KIAA0319L: variants seen among roughly 807,000 people sequenced by gnomAD.
KIAA0319L encodes dyslexia-associated protein KIAA0319-like protein.
KIAA0319L carries 55 observed loss-of-function variants against 120.1 expected under a neutral mutation model. That is an observed-to-expected ratio of 0.46 (90% CI 0.37 to 0.57). The LOEUF is 0.57. KIAA0319L is among the 20% of genes least tolerant of loss of function. The pLI is 0.00. For missense variants in KIAA0319L, 1,049 were observed against 1,255.3 expected (o/e 0.84, Z 2.48); for synonymous variants, 398 against 471.9 (o/e 0.84, Z 2.03).
At chr1:35,515,978 A>G (rs1477786156) in intron 2 of KIAA0319L, among the ~76,000 whole-genome samples, 6 of 152,146 alleles carry the variant, frequency 3.9e-5, no homozygotes, top group African/African-American at 1.4e-4. Context: ...CTGGACACAT[A>G]CACCCTCCCA....
In KIAA0319L at chr1:35,460,111, T is replaced by G. The variant is rs145145505; in HGVS notation, c.1427+194A>C. 3.8e-4 allele frequency among the ~76,000 whole-genome samples: 58 copies of G among 152,264 alleles called. No homozygotes were observed. The East Asian group carries it at 5.8e-3, about 15-fold the overall frequency. On this transcript the variant is annotated intron_variant, in intron 9 of 20. Coordinates refer to ENST00000325722, the MANE Select transcript of KIAA0319L (RefSeq NM_024874.5). Reference sequence around the variant, plus strand: ...GATCCTGATCTACTATACAAGAACCTTTGCCCTAAAAAGTTACCATTGTTG... The same window carrying G: ...GATCCTGATCTACTATACAAGAACCGTTGCCCTAAAAAGTTACCATTGTTG...
intron 3 of KIAA0319L, among the ~76,000 whole-genome samples, chr1:35,505,974 C>T (rs190166744): frequency 6.6e-6 from 1 of 152,332 alleles, no homozygotes; most frequent in African/African-American, 2.4e-5. Context: ...TCAAGGAAGA[C>T]TGAGCAGAGA....
intron 20 of KIAA0319L, 118 bp from the exon 21 acceptor site, chr1:35,435,199 G>GGT: frequency 1.1e-6 from 1 of 901,980 alleles, no homozygotes; most frequent in Non-Finnish European, 1.7e-6. Flanking sequence ...CTCCTCTCCA[G>GGT]GCTGGGAGGT....
intron 7 of KIAA0319L, 112 bp from the exon 8 acceptor site, chr1:35,462,825 C>A: frequency 1.3e-6 from 1 of 787,706 alleles, no homozygotes. Context: ...GGTCCCTAGC[C>A]TTTTTGGCAC....
intron 3 of KIAA0319L, among the ~76,000 whole-genome samples, chr1:35,499,370 C>A (rs138257347): frequency 6.6e-6 from 1 of 151,944 alleles, no homozygotes; most frequent in Non-Finnish European, 1.5e-5. Flanking sequence ...TCTTAGAAAA[C>A]GGACCAGAGA....
At chr1:35,502,425 T>C (rs1441068193) in intron 3 of KIAA0319L, among the ~76,000 whole-genome samples, 2 of 144,040 alleles carry the variant, frequency 1.4e-5, no homozygotes, top group African/African-American at 5.4e-5. Flanking sequence ...GCTGCTGTCA[T>C]CATCATCATC....
intron 3 of KIAA0319L, among the ~76,000 whole-genome samples, chr1:35,485,702 C>T (rs1644361243): frequency 6.6e-6 from 1 of 152,238 alleles, no homozygotes; most frequent in Non-Finnish European, 1.5e-5. Context: ...CATTCATTCT[C>T]AACCAAGTTT....
At position 35,539,426 on chromosome 1, in the gene KIAA0319L, G is replaced by A. The variant is rs181213046; in HGVS notation, c.142+14924C>T. Among the ~76,000 whole-genome samples the A allele has an allele frequency of 2.5e-3, 379 of 152,302 alleles. 2 individuals carry two copies. The highest frequency in any genetic ancestry group is 8.1e-3 in the African/African-American group (337 of 41,558). Reference sequence around the variant, plus strand: ...CACAGAAGGCGTAATAGGAAAACTCGCTGTTATTTGAAAAGTCCATTGTGA... The same window carrying A: ...CACAGAAGGCGTAATAGGAAAACTCACTGTTATTTGAAAAGTCCATTGTGA... On this transcript the variant is annotated intron_variant, in intron 2 of 20. Coordinates refer to ENST00000325722, the MANE Select transcript of KIAA0319L (RefSeq NM_024874.5).
intron 20 of KIAA0319L, among the ~76,000 whole-genome samples, chr1:35,436,125 T>C (rs1640771154): frequency 6.6e-6 from 1 of 152,092 alleles, no homozygotes; most frequent in African/African-American, 2.4e-5. Flanking sequence ...GGGAGAAGGA[T>C]CCAGATCTCC....
In KIAA0319L at chr1:35,549,637, A is replaced by G. The variant is rs933984478; in HGVS notation, c.142+4713T>C. On this transcript the variant is annotated intron_variant, in intron 2 of 20. Transcript: ENST00000325722. ...TTTCTAGGGCCAATTAGGTCCTTGC[A>G]TCCCCCACAAACATGCACACATAAC... Among the ~76,000 whole-genome samples, 5 of 152,184 alleles carry G rather than the reference A, an allele frequency of 3.3e-5. No homozygotes were observed. The South Asian group carries it at 1.0e-3, about 32-fold the overall frequency.
At position 35,442,894 on chromosome 1, in the gene KIAA0319L, T is replaced by C. The variant is rs369842981; in HGVS notation, c.2779+12A>G. The C allele has an allele frequency of 5.1e-5, 82 of 1,614,050 alleles. No individual in the cohort carries two copies. The highest frequency in any genetic ancestry group is 6.6e-5 in the Non-Finnish European group (78 of 1,180,016). On this transcript the variant is annotated intron_variant, in intron 18 of 20. Transcript: ENST00000325722. The stretch of plus-strand genomic sequence containing the variant: ...CCAAACAGGCTGGCACTGTGCCACA[T>C]AGAAAACTCACCACAGTTGCTGTCT...
At chr1:35,525,930 T>C (rs1646108380) in intron 2 of KIAA0319L, among the ~76,000 whole-genome samples, 1 of 151,960 alleles carries the variant, frequency 6.6e-6, no homozygotes, top group Non-Finnish European at 1.5e-5. Context: ...GCTAGAGTGT[T>C]TCCCCTATGT....
chr1:35,468,253 G>C (rs970013445), intron 6 of KIAA0319L, among the ~76,000 whole-genome samples: 1 of 150,890 alleles, frequency 6.6e-6, no homozygotes, highest in African/African-American at 2.4e-5. Flanking sequence ...TCTTCTTCTT[G>C]GCTTTTACTT....
At position 35,547,745 on chromosome 1, in the gene KIAA0319L, G is replaced by A. The variant is rs1170854820; in HGVS notation, c.142+6605C>T. Among the ~76,000 whole-genome samples, 2 of 152,154 alleles carry A rather than the reference G, an allele frequency of 1.3e-5. 1 individual carries two copies. ...CTAGTAGCTGGGGGAGGAGAGGATA[G>A]GGAGTGACTGCTAATGGGTACAGGG... On this transcript the variant is annotated intron_variant, in intron 2 of 20. Coordinates refer to ENST00000325722, the MANE Select transcript of KIAA0319L (RefSeq NM_024874.5).
At chr1:35,441,666 T>C (rs1048540639) in intron 19 of KIAA0319L, among the ~76,000 whole-genome samples, 2 of 152,070 alleles carry the variant, frequency 1.3e-5, no homozygotes, top group South Asian at 4.1e-4. Flanking sequence ...AAAAATGATA[T>C]TACCTATAAA....
chr1:35,441,163 G>A lies in KIAA0319L; in HGVS notation c.2871-25C>T, dbSNP rs770833839. 1.4e-4 allele frequency: 223 copies of A among 1,600,910 alleles called. 1 individual carries two copies. Among genetic ancestry groups the A allele is most frequent in the Non-Finnish European group, 1.9e-4 (221 of 1,168,238 alleles). The stretch of plus-strand genomic sequence containing the variant: ...CCTAAAAAACACAACCCCCACCCCT[G>A]CTCAGGAAAGAGGTTCTCTGGGAGG... On this transcript the variant is annotated intron_variant, in intron 19 of 20. Transcript: ENST00000325722.
rs1642238828 is a variant in KIAA0319L, at chr1:35,453,826, G to A, written c.1781-137C>T. ...ACTGTCAGATACTGTGGGAGATGTG[G>A]TTACCGTCAGGGAGCACACAATAAA... On this transcript the variant is annotated intron_variant, in intron 11 of 20. Coordinates refer to ENST00000325722, the MANE Select transcript of KIAA0319L (RefSeq NM_024874.5). The surrounding 1 kb of genome is among the most constrained non-coding windows in gnomAD (Gnocchi z 4.1). The A allele has an allele frequency of 1.3e-6, 1 of 778,698 alleles. No homozygotes were observed. The highest frequency in any genetic ancestry group is 2.0e-6 in the Non-Finnish European group (1 of 501,276). 48.2% of individuals were successfully genotyped at this position (778,698 alleles called of 1,614,324 possible).
intron 2 of KIAA0319L, among the ~76,000 whole-genome samples, chr1:35,521,895 C>T (rs1013704237): frequency 1.3e-5 from 2 of 151,904 alleles, no homozygotes; most frequent in Non-Finnish European, 2.9e-5. Flanking sequence ...ATGGCGTGAA[C>T]CCGGGAGGTG....
chr1:35,446,039 T>G (rs1641594234), intron 16 of KIAA0319L, among the ~76,000 whole-genome samples: 1 of 152,192 alleles, frequency 6.6e-6, no homozygotes, highest in African/African-American at 2.4e-5. Flanking sequence ...TCCCTAATCG[T>G]GCTATCTCTG....
Sources: gnomAD v4.1 joint callset for allele counts (sites outside exome capture counted in the v4.1 genomes callset) on GRCh38, gnomAD v4.1.1 for gene constraint, Gnocchi (gnomAD v3.1) non-coding constraint, MANE v1.5 for transcripts, NCBI Gene and HGNC (gene_info 2026-07-23, HGNC 2026-07-21) for gene names.